NLRP5: variants seen among roughly 807,000 people sequenced by gnomAD.
The protein encoded by NLRP5 is NLR family pyrin domain containing 5.
NLRP5 carries 93 observed loss-of-function variants against 113.1 expected under a neutral mutation model. That is an observed-to-expected ratio of 0.82 (90% CI 0.70 to 0.98). NLRP5 has a LOEUF of 0.98. NLRP5 is among the 50% of genes least tolerant of loss of function. NLRP5 has a pLI of 0.00. For synonymous variants in NLRP5, 751 were observed against 600.7 expected, an observed-to-expected ratio of 1.25 and a Z score of -3.66; for missense variants, 1,808 against 1,514.3, an observed-to-expected ratio of 1.19 and a Z score of -3.22.
intron 14 of NLRP5, among the ~76,000 whole-genome samples, chr19:56,059,242 G>A (rs1293190258): frequency 1.3e-5 from 2 of 152,180 alleles, no homozygotes; most frequent in Non-Finnish European, 2.9e-5. Flanking sequence ...TTCAGTCCTT[G>A]TACAAGTCTG....
Position 56,054,672 on chromosome 19 carries a change from A to C in NLRP5, c.3299+864A>C, listed in dbSNP as rs76715392. Among the ~76,000 whole-genome samples, 46 of 152,180 alleles carry C rather than the reference A, an allele frequency of 3.0e-4. No homozygotes were observed. The East Asian group carries it at 8.3e-3, about 27-fold the overall frequency. On this transcript the variant is annotated intron_variant, in intron 13 of 14. Transcript: ENST00000390649. ...AGCCACAAAAGGTCACCTGGTGTAT[A>C]ATTCCATTTGTATAAAATACCCAAA...
At chr19:56,045,414 TTTTC>T (rs1240781809) in intron 11 of NLRP5, among the ~76,000 whole-genome samples, 1 of 152,124 alleles carries the variant, frequency 6.6e-6, no homozygotes, top group African/African-American at 2.4e-5. Flanking sequence ...GCTAGTTTTT[TTTTC>T]TTTTTTTTAT....
chr19:55,997,337 GTTC>G (rs1332529888), upstream of NLRP5, among the ~76,000 whole-genome samples: 1 of 152,008 alleles, frequency 6.6e-6, no homozygotes, highest in East Asian at 1.9e-4. Flanking sequence ...TTTTTGATGT[GTTC>G]TTAGATTTGG....
intron 12 of NLRP5, among the ~76,000 whole-genome samples, chr19:56,053,282 C>T (rs1199346769): frequency 6.6e-6 from 1 of 151,572 alleles, no homozygotes; most frequent in East Asian, 1.9e-4. Context: ...GTAATCCCAG[C>T]TATTCGGGAG....
At chr19:56,055,715 T>G (rs989635283) in intron 13 of NLRP5, among the ~76,000 whole-genome samples, 2 of 151,526 alleles carry the variant, frequency 1.3e-5, no homozygotes, top group East Asian at 1.9e-4. Context: ...CCGGCTAATT[T>G]TTTGTATTTT....
At chr19:56,019,667 T>C (rs1190751844) in intron 5 of NLRP5, among the ~76,000 whole-genome samples, 1 of 152,090 alleles carries the variant, frequency 6.6e-6, no homozygotes, top group East Asian at 1.9e-4. Context: ...ATCACAACTT[T>C]GTTTGATGGA....
At chr19:56,023,109 T>G (rs1262072018) in intron 6 of NLRP5, among the ~76,000 whole-genome samples, 2 of 152,116 alleles carry the variant, frequency 1.3e-5, no homozygotes, top group Non-Finnish European at 2.9e-5. Context: ...AGTCTGGAAT[T>G]TTAGGAAAGA....
rs1201067167 is a variant in NLRP5 at position 56,038,337 on chromosome 19, C to T, written c.2786+142C>T. 4 of 832,858 alleles carry T rather than the reference C, an allele frequency of 4.8e-6. No homozygotes were observed. In the African/African-American group the frequency reaches 6.8e-5, roughly 14 times the overall value. 51.6% of individuals were successfully genotyped at this position (832,858 alleles called of 1,614,324 possible). A position where few individuals can be genotyped will look rare whatever the true frequency, so the allele number is the denominator to read the frequency against. ...GAAGGAAGTTGGGACCTCCCAAGAC[C>T]TGCCCAGTGTGGGGTGTAAGAGTGA... On this transcript the variant is annotated intron_variant, in intron 10 of 14. Coordinates refer to ENST00000390649, the MANE Select transcript of NLRP5 (RefSeq NM_153447.4).
rs1426777050 is a variant in NLRP5, at chr19:56,027,941, C to A, written c.1708C>A (p.Leu570Ile). 6.2e-7 allele frequency: 1 copy of A among 1,613,896 alleles called. No individual in the cohort carries two copies. Among genetic ancestry groups the A allele is most frequent in the Non-Finnish European group, 8.5e-7 (1 of 1,179,852 alleles). Residue 570 changes from leucine to isoleucine, a missense_variant, in exon 7 of 15, where the codon CTT (leucine) becomes ATT (isoleucine). Leu to Ile is a conservative substitution (Grantham distance 5, BLOSUM62 2). Transcript: ENST00000390649. ...CCGTGCTCTGTTTCACATGAACATC[C>A]TTCTCCCAGACAGCCACTGTGAGGA... is the stretch of plus-strand genomic sequence containing the variant.
chr19:56,006,266 G>C (rs1981906349), intron 2 of NLRP5, among the ~76,000 whole-genome samples: 1 of 152,080 alleles, frequency 6.6e-6, no homozygotes, highest in African/African-American at 2.4e-5. Flanking sequence ...CACACACCGG[G>C]GTCTGTTGTG....
intron 7 of NLRP5, 150 bp from the exon 8 acceptor site, chr19:56,032,461 G>A: frequency 1.7e-6 from 1 of 603,936 alleles, no homozygotes; most frequent in Non-Finnish European, 2.9e-6. Context: ...GTCATGCAAA[G>A]TGTGATGGCA....
chr19:56,009,362 G>A (rs1364864426), intron 3 of NLRP5, among the ~76,000 whole-genome samples: 5 of 55,214 alleles, frequency 9.1e-5, no homozygotes, highest in East Asian at 8.5e-4. Flanking sequence ...AAAAAAAAGA[G>A]TTCTGTGGTC....
rs1412317286 is a variant in NLRP5, at chr19:56,010,742, C to CAAAAAAAAAAAAAAAAAA, written c.508+1902_508+1903insAAAAAAAAAAAAAAAAAA. On this transcript the variant is annotated intron_variant, in intron 3 of 14. Coordinates refer to ENST00000390649, the MANE Select transcript of NLRP5 (RefSeq NM_153447.4). ...GGGAAACAAGAGCTTAACTCTGTCT[C>CAAAAAAAAAAAAAAAAAA]AAAAAAAAAAAAAGTCCCTTGAAAC... Among the ~76,000 whole-genome samples, 54 of 41,234 alleles carry CAAAAAAAAAAAAAAAAAA rather than the reference C, an allele frequency of 1.3e-3. 6 individuals carry two copies. Among genetic ancestry groups the CAAAAAAAAAAAAAAAAAA allele is most frequent in the African/African-American group, 1.9e-3 (18 of 9,596 alleles). 27.1% of individuals were successfully genotyped at this position (41,234 alleles called of 152,430 possible). A position where few individuals can be genotyped will look rare whatever the true frequency, so the allele number is the denominator to read the frequency against.
upstream of NLRP5, among the ~76,000 whole-genome samples, chr19:55,996,557 G>T (rs1340226896): frequency 6.6e-6 from 1 of 152,044 alleles, no homozygotes; most frequent in Non-Finnish European, 1.5e-5. Context: ...TCATTGTTCA[G>T]TTCCCACCTA....
chr19:56,037,086 C>T (rs1361471150), intron 9 of NLRP5, among the ~76,000 whole-genome samples: 2 of 152,122 alleles, frequency 1.3e-5, no homozygotes, highest in African/African-American at 2.4e-5. Flanking sequence ...TGCTGTTGTC[C>T]TCATTTCCAG....
At chr19:56,012,310 G>A (rs1415667685) in intron 3 of NLRP5, among the ~76,000 whole-genome samples, 2 of 151,884 alleles carry the variant, frequency 1.3e-5, no homozygotes, top group African/African-American at 2.4e-5. Context: ...CACCATGTCC[G>A]GCTAATTTTT....
intron 11 of NLRP5, among the ~76,000 whole-genome samples, chr19:56,044,556 T>G (rs1029838245): frequency 6.6e-6 from 1 of 152,222 alleles, no homozygotes; most frequent in Non-Finnish European, 1.5e-5. Flanking sequence ...GGGTTCTCTA[T>G]TCTGTTTCGT....
chr19:56,060,426 T>C (rs566652763), intron 14 of NLRP5, among the ~76,000 whole-genome samples: 3 of 152,322 alleles, frequency 2.0e-5, no homozygotes, highest in Admixed American at 1.3e-4. Flanking sequence ...AAACGACATA[T>C]AATGAAACCA....
intron 1 of NLRP5, among the ~76,000 whole-genome samples, chr19:56,000,153 A>G (rs1234773769): frequency 2.0e-5 from 3 of 151,386 alleles, no homozygotes; most frequent in Non-Finnish European, 4.4e-5. Context: ...ACTCTTCTCA[A>G]TGACAGTTGC....
Sources: allele counts gnomAD v4.1 joint callset (sites outside exome capture counted in the v4.1 genomes callset), GRCh38; gene constraint gnomAD v4.1.1; transcripts MANE v1.5; gene names NCBI Gene and HGNC (gene_info 2026-07-23, HGNC 2026-07-21).